SLC35D4: variants seen among roughly 807,000 people sequenced by gnomAD.
The protein encoded by SLC35D4 is solute carrier family 35 member D4.
At chr18:23,320,215 T>C in the SLC35D4 span, among the ~76,000 whole-genome samples, 1 of 152,356 alleles carries the variant, frequency 6.6e-6, no homozygotes, top group East Asian at 1.9e-4. Flanking sequence ...TTTTTTCCTC[T>C]TTGTGTTTCA....
the SLC35D4 span, among the ~76,000 whole-genome samples, chr18:23,405,319 C>T: frequency 3.3e-5 from 5 of 152,312 alleles, no homozygotes; most frequent in Admixed American, 2.6e-4. Flanking sequence ...TCCCGAGTAG[C>T]TGGGGTTACA....
the SLC35D4 span, among the ~76,000 whole-genome samples, chr18:23,350,345 C>A: frequency 2.0e-5 from 3 of 152,230 alleles, no homozygotes; most frequent in South Asian, 4.1e-4. Flanking sequence ...AATTTTGCTC[C>A]AACACCTTGG....
At chr18:23,431,932 G>T in the SLC35D4 span, among the ~76,000 whole-genome samples, 1 of 152,104 alleles carries the variant, frequency 6.6e-6, no homozygotes, top group Non-Finnish European at 1.5e-5. Context: ...GACTGGTGCT[G>T]GGCAAGTTTA....
At chr18:23,268,703 C>A in the SLC35D4 span, among the ~76,000 whole-genome samples, 5 of 152,128 alleles carry the variant, frequency 3.3e-5, no homozygotes, top group African/African-American at 1.2e-4. Flanking sequence ...GTTCTAGGGA[C>A]CCCGTGTTGC....
chr18:23,371,664 C>G, the SLC35D4 span, among the ~76,000 whole-genome samples: 4 of 152,008 alleles, frequency 2.6e-5, no homozygotes, highest in African/African-American at 9.7e-5. Context: ...CCTAACAGGA[C>G]TCTGCCTCCA....
the SLC35D4 span, among the ~76,000 whole-genome samples, chr18:23,377,993 C>A: frequency 6.6e-6 from 1 of 151,688 alleles, no homozygotes; most frequent in Non-Finnish European, 1.5e-5. Flanking sequence ...ATAGATGTAA[C>A]CTGTATTTTA....
At chr18:23,276,696 C>T in the SLC35D4 span, among the ~76,000 whole-genome samples, 1 of 152,258 alleles carries the variant, frequency 6.6e-6, no homozygotes, top group Non-Finnish European at 1.5e-5. Flanking sequence ...GCCAAGTCAA[C>T]CCCGGCGCTA....
chr18:23,321,409 C>T, the SLC35D4 span, among the ~76,000 whole-genome samples: 2 of 152,024 alleles, frequency 1.3e-5, no homozygotes, highest in Non-Finnish European at 2.9e-5. Context: ...CAGGCTCAGC[C>T]AACCACTATT....
the SLC35D4 span, among the ~76,000 whole-genome samples, chr18:23,428,361 T>C: frequency 6.6e-6 from 1 of 152,156 alleles, no homozygotes; most frequent in Non-Finnish European, 1.5e-5. Context: ...CTTTTGCTCA[T>C]GAAATCAGCA....
chr18:23,307,639 G>A, the SLC35D4 span, among the ~76,000 whole-genome samples: 3 of 152,230 alleles, frequency 2.0e-5, no homozygotes, highest in South Asian at 2.1e-4. Context: ...GGGCGAGCCC[G>A]GGGCGCTGGT....
the SLC35D4 span, chr18:23,310,217 A>C: frequency 1.0e-6 from 1 of 985,310 alleles, no homozygotes; most frequent in Non-Finnish European, 1.2e-6. Context: ...CTCCGTCCTC[A>C]CCTAATGCTC....
chr18:23,357,700 C>A, the SLC35D4 span, among the ~76,000 whole-genome samples: 9 of 152,186 alleles, frequency 5.9e-5, no homozygotes, highest in Non-Finnish European at 1.2e-4. Flanking sequence ...ATGATGGGCT[C>A]CTATGCTTTC....
the SLC35D4 span, among the ~76,000 whole-genome samples, chr18:23,308,518 CCT>C: frequency 2.0e-5 from 3 of 152,210 alleles, no homozygotes; most frequent in Admixed American, 1.3e-4. Flanking sequence ...CCTAGACTCC[CCT>C]CTCTCAAATC....
At chr18:23,260,947 CCACCTGCA>C in the SLC35D4 span, among the ~76,000 whole-genome samples, 1 of 152,162 alleles carries the variant, frequency 6.6e-6, no homozygotes, top group Non-Finnish European at 1.5e-5. Flanking sequence ...GGTCCTCTTG[CCACCTGCA>C]CACAGCCCAG....
chr18:23,274,584 G>A, the SLC35D4 span, among the ~76,000 whole-genome samples: 2 of 152,152 alleles, frequency 1.3e-5, no homozygotes, highest in African/African-American at 4.8e-5. Context: ...TGATCAGTGG[G>A]TCCATCCTCT....
chr18:23,285,304 T>TC, the SLC35D4 span, among the ~76,000 whole-genome samples: 1 of 152,076 alleles, frequency 6.6e-6, no homozygotes, highest in Non-Finnish European at 1.5e-5. Context: ...TAGGCAACCT[T>TC]CCACCTTCCA....
At chr18:23,406,723 C>T in the SLC35D4 span, among the ~76,000 whole-genome samples, 3 of 152,186 alleles carry the variant, frequency 2.0e-5, no homozygotes, top group East Asian at 5.8e-4. Flanking sequence ...CTCTAAGCCT[C>T]CTCTGGTTCT....
the SLC35D4 span, among the ~76,000 whole-genome samples, chr18:23,425,210 C>T: frequency 3.3e-5 from 5 of 152,082 alleles, no homozygotes; most frequent in Admixed American, 6.6e-5. Flanking sequence ...AAGCAATTTG[C>T]GTGTTTCAGC....
At chr18:23,286,612 G>T in the SLC35D4 span, among the ~76,000 whole-genome samples, 4 of 151,862 alleles carry the variant, frequency 2.6e-5, no homozygotes, top group African/African-American at 4.8e-5. Flanking sequence ...GGGTAAGTCC[G>T]TCCCCTTCTT....
Sources: allele counts gnomAD v4.1 joint callset (sites outside exome capture counted in the v4.1 genomes callset), GRCh38; gene constraint gnomAD v4.1.1; transcripts MANE v1.5; gene names NCBI Gene and HGNC (gene_info 2026-07-23, HGNC 2026-07-21).